The following EPHB1 variants were observed in gnomAD, a reference collection of about 807,000 sequenced individuals.
EPHB1 encodes ephrin type-B receptor 1.
In EPHB1, 30 loss-of-function variants were observed where a neutral mutation model predicts 94.4. The observed-to-expected ratio is 0.32, with a 90% CI of 0.24 to 0.43. The LOEUF (loss-of-function observed/expected upper bound fraction) is 0.43, where lower values mean the gene tolerates loss of function less well. EPHB1 is among the 20% of genes least tolerant of loss of function. The pLI is 1.00. For missense variants in EPHB1, 1,055 were observed against 1,308.3 expected, an observed-to-expected ratio of 0.81 and a Z score of 2.99; for synonymous variants, 522 against 489.1, an observed-to-expected ratio of 1.07 and a Z score of -0.89.
At chr3:135,044,787 T>C (rs1194754166) in intron 3 of EPHB1, among the ~76,000 whole-genome samples, 1 of 152,222 alleles carries the variant, frequency 6.6e-6, no homozygotes, top group Non-Finnish European at 1.5e-5. Context: ...TAAAGCGGTG[T>C]CTTAAAAGCT....
intron 1 of EPHB1, among the ~76,000 whole-genome samples, chr3:134,796,817 G>A (rs542905736): frequency 6.6e-6 from 1 of 152,358 alleles, no homozygotes; most frequent in African/African-American, 2.4e-5. Context: ...AACTCCTCTG[G>A]GGGACTCCAA....
At chr3:135,203,035 G>A (rs1361547574) in intron 12 of EPHB1, among the ~76,000 whole-genome samples, 1 of 152,200 alleles carries the variant, frequency 6.6e-6, no homozygotes, top group Non-Finnish European at 1.5e-5. Context: ...ATACTATGCA[G>A]CCATATAAAA....
rs1405746592 is a variant in EPHB1 at position 134,795,592 on chromosome 3, T to C, written c.-40T>C. The C allele has an allele frequency of 1.9e-6, 3 of 1,595,090 alleles. No homozygotes were observed. The South Asian group carries it at 3.3e-5, about 18-fold the overall frequency. ...GGACGCGGCGCTCTCCCGGCGCTGC[T>C]GCCTCGGCTTGGTCTCGGCCTGCGG... is the stretch of plus-strand genomic sequence containing the variant. On this transcript the variant is annotated 5_prime_UTR_variant, in exon 1 of 16. Transcript: ENST00000398015.
At chr3:135,057,704 CA>C (rs1268508488) in intron 3 of EPHB1, among the ~76,000 whole-genome samples, 6 of 152,160 alleles carry the variant, frequency 3.9e-5, no homozygotes, top group Non-Finnish European at 7.3e-5. Flanking sequence ...CTTGTGTGCA[CA>C]TATGTCATAG....
At chr3:135,082,047 G>A (rs965048619) in intron 3 of EPHB1, among the ~76,000 whole-genome samples, 1 of 151,980 alleles carries the variant, frequency 6.6e-6, no homozygotes, top group African/African-American at 2.4e-5. Context: ...TTCCCAGCAT[G>A]AGTGATTGGC....
rs114705460 is a variant in EPHB1, at chr3:135,048,701, A to G, written c.806-57747A>G. Among the ~76,000 whole-genome samples, 1,340 of 152,310 alleles carry G rather than the reference A, an allele frequency of 8.8e-3. 12 individuals are homozygous for G. The highest frequency in any genetic ancestry group is 0.013 in the Non-Finnish European group (906 of 68,024). On this transcript the variant is annotated intron_variant, in intron 3 of 15. Coordinates refer to ENST00000398015, the MANE Select transcript of EPHB1 (RefSeq NM_004441.5). ...CACGCACATGCTGGCATCTAGCCACATCTGGCATGCAGTGGGCACCATGTT... is the reference window on the plus strand; with the variant it reads ...CACGCACATGCTGGCATCTAGCCACGTCTGGCATGCAGTGGGCACCATGTT...
intron 13 of EPHB1, among the ~76,000 whole-genome samples, chr3:135,245,600 G>T (rs1943901055): frequency 6.6e-6 from 1 of 150,760 alleles, no homozygotes. Flanking sequence ...GGGGTCAAGA[G>T]ATTGAGACCA....
intron 2 of EPHB1, among the ~76,000 whole-genome samples, chr3:134,942,207 T>C (rs1393739071): frequency 6.6e-6 from 1 of 152,170 alleles, no homozygotes; most frequent in Non-Finnish European, 1.5e-5. Context: ...CCAGGATATT[T>C]TGAGGGCTTG....
At chr3:134,981,623 T>G (rs893938463) in intron 3 of EPHB1, among the ~76,000 whole-genome samples, 2 of 152,150 alleles carry the variant, frequency 1.3e-5, no homozygotes, top group Admixed American at 1.3e-4. Context: ...GCTGTCATTC[T>G]TTTTTTCTTC....
intron 2 of EPHB1, among the ~76,000 whole-genome samples, chr3:134,942,350 G>T (rs1283325625): frequency 6.6e-6 from 1 of 152,194 alleles, no homozygotes; most frequent in Non-Finnish European, 1.5e-5. Context: ...GAGTTACTTG[G>T]AGGGTAAAGA....
intron 11 of EPHB1, 58 bp from the exon 12 acceptor site, chr3:135,201,416 C>A: frequency 6.4e-7 from 1 of 1,567,346 alleles, no homozygotes; most frequent in Non-Finnish European, 8.8e-7. Flanking sequence ...AACATCTCTC[C>A]CTCTGCTTAA....
intron 3 of EPHB1, among the ~76,000 whole-genome samples, chr3:135,072,467 AT>A (rs373282173): frequency 6.6e-6 from 1 of 152,034 alleles, no homozygotes; most frequent in Non-Finnish European, 1.5e-5. Context: ...ATGAAATCAA[AT>A]TTTTTACCAG....
At chr3:135,204,454 C>T (rs1160779798) in intron 12 of EPHB1, among the ~76,000 whole-genome samples, 1 of 152,100 alleles carries the variant, frequency 6.6e-6, no homozygotes, top group South Asian at 2.1e-4. Context: ...GATCTGGCCA[C>T]CTTGGTCTCC....
chr3:135,116,425 G>T (rs1238701584), intron 4 of EPHB1, among the ~76,000 whole-genome samples: 5 of 151,980 alleles, frequency 3.3e-5, no homozygotes, highest in African/African-American at 1.2e-4. Context: ...TGGCCTTTTG[G>T]TCCCCTTTGT....
chr3:135,251,714 C>T (rs1933107375), intron 15 of EPHB1, among the ~76,000 whole-genome samples: 1 of 152,220 alleles, frequency 6.6e-6, no homozygotes, highest in Non-Finnish European at 1.5e-5. Context: ...CCAGCAGCAT[C>T]CCTTGGGAGA....
rs1457472696 is a variant in EPHB1, at chr3:135,142,001, C to T, written c.1297+8952C>T. 2.0e-5 allele frequency among the ~76,000 whole-genome samples: 3 copies of T among 152,168 alleles called. No homozygotes were observed. In the East Asian group the frequency reaches 5.8e-4, roughly 29 times the overall value. On this transcript the variant is annotated intron_variant, in intron 5 of 15. Coordinates refer to ENST00000398015, the MANE Select transcript of EPHB1 (RefSeq NM_004441.5). The stretch of plus-strand genomic sequence containing the variant: ...TACAGAGGAGACCTCCCCAGGGGCT[C>T]CCAGAAGTATTCAGGGACTGCATCA...
At chr3:135,081,731 T>C (rs1259128955) in intron 3 of EPHB1, among the ~76,000 whole-genome samples, 1 of 152,080 alleles carries the variant, frequency 6.6e-6, no homozygotes, top group African/African-American at 2.4e-5. Context: ...CCTCTGAGCC[T>C]GAGAGGAGTA....
chr3:134,916,459 G>A (rs541134669), intron 1 of EPHB1, among the ~76,000 whole-genome samples: 2 of 152,382 alleles, frequency 1.3e-5, no homozygotes, highest in East Asian at 1.9e-4. Context: ...GCAGGGTGGG[G>A]TGGGGAGGCT....
intron 2 of EPHB1, among the ~76,000 whole-genome samples, chr3:134,930,924 T>C (rs62270313): frequency 0.15 from 23,511 of 152,214 alleles, 2,347 homozygotes; most frequent in African/African-American, 0.28. Context: ...CTTGCACTGG[T>C]CAGAGAATGA....
Sources: gnomAD v4.1 joint callset for allele counts (sites outside exome capture counted in the v4.1 genomes callset) on GRCh38, gnomAD v4.1.1 for gene constraint, MANE v1.5 for transcripts, NCBI Gene and HGNC (gene_info 2026-07-23, HGNC 2026-07-21) for gene names.